SRRM4: variants seen among roughly 807,000 people sequenced by gnomAD.
The protein encoded by SRRM4 is serine/arginine repetitive matrix 4.
A neutral mutation model predicts 68.9 loss-of-function variants in SRRM4; 33 were observed. The ratio of observed to expected loss-of-function variants is 0.48; its 90% CI spans 0.36 to 0.64. The LOEUF (loss-of-function observed/expected upper bound fraction) is 0.64. Ranked by LOEUF, SRRM4 falls within the 30% of genes least tolerant of loss-of-function variation. The pLI is 0.00. For synonymous variants in SRRM4, 318 were observed against 318.8 expected, an observed-to-expected ratio of 1.00 and a Z score of 0.03; for missense variants, 817 against 827.1, an observed-to-expected ratio of 0.99 and a Z score of 0.15.
chr12:119,067,131 A>C (rs1953850925), intron 1 of SRRM4, among the ~76,000 whole-genome samples: 1 of 144,540 alleles, frequency 6.9e-6, no homozygotes, highest in South Asian at 2.2e-4. Context: ...TGTCCACCCC[A>C]AATTATCCAC....
chr12:119,156,092 G>A (rs1954469624), intron 12 of SRRM4, among the ~76,000 whole-genome samples: 1 of 151,964 alleles, frequency 6.6e-6, no homozygotes, highest in African/African-American at 2.4e-5. Flanking sequence ...CTTTTCAAAG[G>A]TTCATACATT....
At chr12:118,990,402 C>T (rs1425609225) in intron 1 of SRRM4, among the ~76,000 whole-genome samples, 1 of 152,130 alleles carries the variant, frequency 6.6e-6, no homozygotes, top group Non-Finnish European at 1.5e-5. Context: ...ATGACTGTTT[C>T]AGGGTTCGGC....
At chr12:119,096,553 G>A (rs1954045647) in intron 1 of SRRM4, among the ~76,000 whole-genome samples, 1 of 152,234 alleles carries the variant, frequency 6.6e-6, no homozygotes, top group South Asian at 2.1e-4. Context: ...ATCAAGTGAT[G>A]TGGAGAGAAC....
chr12:119,094,119 C>T (rs1022056673), intron 1 of SRRM4, among the ~76,000 whole-genome samples: 1 of 152,166 alleles, frequency 6.6e-6, no homozygotes, highest in African/African-American at 2.4e-5. Context: ...ACCACACACT[C>T]ATAAGCACAC....
At chr12:118,994,497 C>T (rs1262806160) in intron 1 of SRRM4, among the ~76,000 whole-genome samples, 1 of 152,220 alleles carries the variant, frequency 6.6e-6, no homozygotes, top group Non-Finnish European at 1.5e-5. Flanking sequence ...TGCCTTTCCT[C>T]TCACTGGAAA....
chr12:119,060,700 A>G (rs918852985), intron 1 of SRRM4, among the ~76,000 whole-genome samples: 3 of 152,054 alleles, frequency 2.0e-5, no homozygotes, highest in Admixed American at 1.3e-4. Context: ...TTCTCATTCT[A>G]TCTTTAGCCC....
rs961295173 is a variant in SRRM4, at chr12:119,158,695, C to A, written c.*1897C>A. On this transcript the variant is annotated 3_prime_UTR_variant, in exon 13 of 13. Transcript: ENST00000267260. ...ACAGCCACTGTAAATAACCCTCGTCCCTGCCCAGGAACCCAGACTGGACTT... is the reference window on the plus strand; with the variant it reads ...ACAGCCACTGTAAATAACCCTCGTCACTGCCCAGGAACCCAGACTGGACTT... 4 of 152,544 alleles carry A rather than the reference C, an allele frequency of 2.6e-5. No homozygotes were observed. The highest frequency in any genetic ancestry group is 5.9e-5 in the Non-Finnish European group (4 of 68,068). 9.4% of individuals were successfully genotyped at this position (152,544 alleles called of 1,614,324 possible).
chr12:119,150,813 AT>A (rs1954434119), intron 9 of SRRM4, among the ~76,000 whole-genome samples: 1 of 152,184 alleles, frequency 6.6e-6, no homozygotes, highest in South Asian at 2.1e-4. Flanking sequence ...GCTAACCTGA[AT>A]TGTCTACTTT....
rs1565921604 is a variant in SRRM4, at chr12:119,156,760, T to TAC, written c.1800_1801dup (p.Ser601ThrfsTer16). On this transcript the variant is annotated frameshift_variant, in exon 13 of 13. Transcript: ENST00000267260. LOFTEE classifies it high-confidence loss of function. ...CCGGAGCAGGAGCCAGAGCCGGAGCTACAGCTCAGCAGACAGCTACTCCAG... is the reference window on the plus strand; with the variant it reads ...CCGGAGCAGGAGCCAGAGCCGGAGCTACACAGCTCAGCAGACAGCTACTCCAG... The TAC allele has an allele frequency of 2.6e-6, 4 of 1,544,772 alleles. No homozygotes were observed. In the Admixed American group the frequency reaches 7.9e-5, roughly 30 times the overall value.
chr12:118,993,465 G>A (rs1284522705), intron 1 of SRRM4, among the ~76,000 whole-genome samples: 3 of 152,176 alleles, frequency 2.0e-5, no homozygotes, highest in Non-Finnish European at 4.4e-5. Flanking sequence ...ATTGGAGTGG[G>A]CCCCCAAAAT....
chr12:119,049,647 G>T (rs1429756222), intron 1 of SRRM4, among the ~76,000 whole-genome samples: 1 of 152,154 alleles, frequency 6.6e-6, no homozygotes, highest in African/African-American at 2.4e-5. Context: ...CAGTTTTCTA[G>T]AACTACCATG....
At chr12:119,153,831 T>C (rs1245462101) in intron 11 of SRRM4, among the ~76,000 whole-genome samples, 182 bp downstream of exon 11, 2 of 152,038 alleles carry the variant, frequency 1.3e-5, no homozygotes, top group Non-Finnish European at 2.9e-5. Context: ...ATACCCTTGT[T>C]TCCTAATGTC....
chr12:119,075,199 T>C (rs1250412155), intron 1 of SRRM4, among the ~76,000 whole-genome samples: 2 of 152,244 alleles, frequency 1.3e-5, no homozygotes, highest in East Asian at 3.8e-4. Flanking sequence ...TTTGGATCTT[T>C]CTTATTCATT....
chr12:119,091,986 A>G (rs1954016949), intron 1 of SRRM4, among the ~76,000 whole-genome samples: 1 of 152,244 alleles, frequency 6.6e-6, no homozygotes, highest in East Asian at 1.9e-4. Context: ...TGCTTAGCAG[A>G]TGAATGAGTG....
intron 1 of SRRM4, among the ~76,000 whole-genome samples, chr12:119,025,790 G>A (rs1474958161): frequency 6.6e-6 from 1 of 152,030 alleles, no homozygotes; most frequent in Admixed American, 6.5e-5. Flanking sequence ...GAAATGGGGA[G>A]GGAGGCTTAG....
At chr12:119,128,730 C>A (rs7956019) in intron 7 of SRRM4, among the ~76,000 whole-genome samples, 35,012 of 152,130 alleles carry the variant, frequency 0.23, 4,085 homozygotes, top group Middle Eastern at 0.24. Context: ...TGTGACTCAG[C>A]CTGAGCACTT....
intron 2 of SRRM4, among the ~76,000 whole-genome samples, chr12:119,104,111 G>T (rs1375324090): frequency 1.3e-5 from 2 of 152,112 alleles, no homozygotes; most frequent in Non-Finnish European, 2.9e-5. Context: ...TTCCTCCATG[G>T]GCCTCAGTGT....
intron 1 of SRRM4, among the ~76,000 whole-genome samples, chr12:119,091,723 T>C (rs892176707): frequency 3.3e-5 from 5 of 152,172 alleles, no homozygotes; most frequent in Non-Finnish European, 1.5e-5. Context: ...GTCTATCCGA[T>C]GGGTCTACTC....
At chr12:119,057,443 G>T (rs1953783711) in intron 1 of SRRM4, among the ~76,000 whole-genome samples, 1 of 152,192 alleles carries the variant, frequency 6.6e-6, no homozygotes, top group African/African-American at 2.4e-5. Flanking sequence ...AGAACATGCG[G>T]TGTTTGGTTT....
Sources: allele counts gnomAD v4.1 joint callset (sites outside exome capture counted in the v4.1 genomes callset), GRCh38; gene constraint gnomAD v4.1.1; transcripts MANE v1.5; gene names NCBI Gene and HGNC (gene_info 2026-07-23, HGNC 2026-07-21).